The following PRKAR2A variants were observed in gnomAD, a reference collection of about 807,000 sequenced individuals.
The protein encoded by PRKAR2A is cAMP-dependent protein kinase type II-alpha regulatory subunit.
Under a neutral mutation model 51.9 loss-of-function variants are expected in PRKAR2A, and 29 were observed. The ratio of observed to expected loss-of-function variants is 0.56; its 90% CI spans 0.42 to 0.76. PRKAR2A has a LOEUF of 0.76. Ranked by LOEUF, PRKAR2A falls within the 30% of genes least tolerant of loss-of-function variation. The pLI is 0.00. For synonymous variants in PRKAR2A, 178 were observed against 186.2 expected (o/e 0.96, Z 0.36); for missense variants, 445 against 512.1 (o/e 0.87, Z 1.26).
Position 48,756,370 on chromosome 3 carries a change from TA to T in PRKAR2A, c.939+8del. ...GTGTACACCATCACATATAAACTGATAAACTCACCCTGCTTCTAATCAAGAT... is the reference window on the plus strand; with the variant it reads ...GTGTACACCATCACATATAAACTGATAACTCACCCTGCTTCTAATCAAGAT... On this transcript the variant is annotated splice_region_variant and intron_variant, in intron 9 of 10. Coordinates refer to ENST00000265563, the MANE Select transcript of PRKAR2A (RefSeq NM_004157.4). 6.2e-7 allele frequency: 1 copy of T among 1,610,476 alleles called. No individual in the cohort carries two copies. Among genetic ancestry groups the T allele is most frequent in the Non-Finnish European group, 8.5e-7 (1 of 1,176,874 alleles).
Position 48,769,025 on chromosome 3 carries a change from TGGAGGC to T in PRKAR2A, c.697-3682_697-3677del, listed in dbSNP as rs1449572089. Among the ~76,000 whole-genome samples the T allele has an allele frequency of 4.6e-5, 7 of 151,938 alleles. No homozygotes were observed. In the East Asian group the frequency reaches 1.2e-3, roughly 25 times the overall value. On this transcript the variant is annotated intron_variant, in intron 6 of 10. Coordinates refer to ENST00000265563, the MANE Select transcript of PRKAR2A (RefSeq NM_004157.4). Reference sequence around the variant, plus strand: ...TGAGGCAGGAGAATTGCTTGAATCCTGGAGGCGGAGGTTGCAGTGAGCCGAGATAAT... The same window carrying T: ...TGAGGCAGGAGAATTGCTTGAATCCTGGAGGTTGCAGTGAGCCGAGATAAT...
intron 2 of PRKAR2A, among the ~76,000 whole-genome samples, chr3:48,806,761 A>G (rs977143162): frequency 6.6e-6 from 1 of 152,088 alleles, no homozygotes; most frequent in Non-Finnish European, 1.5e-5. Flanking sequence ...TAGATTTCTC[A>G]TATTTGGAAA....
In PRKAR2A at chr3:48,803,331, G is replaced by T. The variant is rs140299561; in HGVS notation, c.298+4318C>A. On this transcript the variant is annotated intron_variant, in intron 2 of 10. Coordinates refer to ENST00000265563, the MANE Select transcript of PRKAR2A (RefSeq NM_004157.4). ...AGGTTGAGGCAGGAGGATCCCCTAA[G>T]CCCAAGATTTCAAGGCTGCAGTAAC... Among the ~76,000 whole-genome samples, 12 of 152,190 alleles carry T rather than the reference G, an allele frequency of 7.9e-5. No individual in the cohort carries two copies. The East Asian group carries it at 2.3e-3, about 29-fold the overall frequency.
intron 1 of PRKAR2A, among the ~76,000 whole-genome samples, chr3:48,842,270 T>C (rs2083393368): frequency 6.6e-6 from 1 of 152,238 alleles, no homozygotes; most frequent in Non-Finnish European, 1.5e-5. Flanking sequence ...TTTTGTATCC[T>C]GAGACTTTGC....
rs563571478 is a variant in PRKAR2A, at chr3:48,828,994, C to T, written c.262+18341G>A. 3.6e-4 allele frequency among the ~76,000 whole-genome samples: 54 copies of T among 151,804 alleles called. 1 individual carries two copies. The highest frequency in any genetic ancestry group is 8.0e-4 in the African/African-American group (33 of 41,478). On this transcript the variant is annotated intron_variant, in intron 1 of 10. Transcript: ENST00000265563. The stretch of plus-strand genomic sequence containing the variant: ...GACTACAAGCACATATCACCACACC[C>T]GGCTAATTTTTTATATTTTTTGGTA...
chr3:48,778,207 C>T (rs2082133913), intron 5 of PRKAR2A, among the ~76,000 whole-genome samples: 1 of 152,090 alleles, frequency 6.6e-6, no homozygotes, highest in African/African-American at 2.4e-5. Flanking sequence ...GTTGCCCAGG[C>T]TAGTCTCGGA....
At chr3:48,772,484 GGT>G (rs1385813695) in intron 6 of PRKAR2A, among the ~76,000 whole-genome samples, 2 of 152,136 alleles carry the variant, frequency 1.3e-5, no homozygotes, top group African/African-American at 4.8e-5. Flanking sequence ...TGGGATTACA[GGT>G]GTGAGTCACC....
chr3:48,799,871 G>GT (rs759973644), intron 2 of PRKAR2A, among the ~76,000 whole-genome samples: 1 of 152,166 alleles, frequency 6.6e-6, no homozygotes. Flanking sequence ...TATTTGTTTT[G>GT]TTTTTTGAGA....
intron 8 of PRKAR2A, among the ~76,000 whole-genome samples, chr3:48,761,625 T>A (rs549871610): frequency 9.2e-5 from 14 of 152,346 alleles, no homozygotes; most frequent in South Asian, 6.2e-4. Context: ...TTATTTATTT[T>A]TTTTGAGACC....
At chr3:48,772,423 T>C (rs926780732) in intron 6 of PRKAR2A, among the ~76,000 whole-genome samples, 1 of 152,092 alleles carries the variant, frequency 6.6e-6, no homozygotes, top group Non-Finnish European at 1.5e-5. Context: ...CTCAGGCTGG[T>C]CTCGAACTCC....
Position 48,748,692 on chromosome 3 carries a change from G to C in PRKAR2A, c.*2893C>G, listed in dbSNP as rs1244719654. 2 of 152,194 alleles carry C rather than the reference G, an allele frequency of 1.3e-5. No homozygotes were observed. Among genetic ancestry groups the C allele is most frequent in the East Asian group, 3.8e-4 (2 of 5,202 alleles). The allele number at this position is 152,194 out of a possible 1,614,324, so 9.4% of individuals were successfully genotyped here. A position where few individuals can be genotyped will look rare whatever the true frequency, so the allele number is the denominator to read the frequency against. On this transcript the variant is annotated 3_prime_UTR_variant, in exon 11 of 11. Coordinates refer to ENST00000265563, the MANE Select transcript of PRKAR2A (RefSeq NM_004157.4). ...AAAATCCTTACAAGTTCTGGGGCTG[G>C]ACCTCTGTGTCACTCCTGAATCCCA...
intron 1 of PRKAR2A, among the ~76,000 whole-genome samples, chr3:48,838,753 C>T (rs561234897): frequency 4.0e-5 from 6 of 151,846 alleles, no homozygotes; most frequent in Non-Finnish European, 2.9e-5. Flanking sequence ...CCGAGGCAGG[C>T]GGATCACGAG....
chr3:48,842,430 G>A lies in PRKAR2A; in HGVS notation c.262+4905C>T, dbSNP rs532931397. ...TTCCTTCTCCTGCCTAATTGCCCTGGCCACAACTTCCAACACTATGTTGAA... is the reference window on the plus strand; with the variant it reads ...TTCCTTCTCCTGCCTAATTGCCCTGACCACAACTTCCAACACTATGTTGAA... On this transcript the variant is annotated intron_variant, in intron 1 of 10. Coordinates refer to ENST00000265563, the MANE Select transcript of PRKAR2A (RefSeq NM_004157.4). 4.6e-5 allele frequency among the ~76,000 whole-genome samples: 7 copies of A among 152,232 alleles called. No homozygotes were observed. In the South Asian group the frequency reaches 8.3e-4, roughly 18 times the overall value.
intron 1 of PRKAR2A, among the ~76,000 whole-genome samples, chr3:48,823,968 T>TATG (rs1396451837): frequency 2.0e-5 from 3 of 152,138 alleles, no homozygotes. Flanking sequence ...GGCTCACGCC[T>TATG]GTAATCCCAG....
intron 5 of PRKAR2A, among the ~76,000 whole-genome samples, chr3:48,776,927 G>A (rs2082114731): frequency 6.6e-6 from 1 of 152,100 alleles, no homozygotes; most frequent in Non-Finnish European, 1.5e-5. Context: ...ATGATTTAAT[G>A]TAAAAAAAAT....
At chr3:48,779,712 G>A (rs183966198) in intron 5 of PRKAR2A, among the ~76,000 whole-genome samples, 478 of 150,834 alleles carry the variant, frequency 3.2e-3, no homozygotes, top group African/African-American at 9.9e-3. Flanking sequence ...CCCGGGAGGC[G>A]GAGGTTGTAG....
At chr3:48,800,047 A>C (rs1455941833) in intron 2 of PRKAR2A, among the ~76,000 whole-genome samples, 3 of 151,726 alleles carry the variant, frequency 2.0e-5, no homozygotes, top group Admixed American at 1.3e-4. Flanking sequence ...TTTAGTAGAG[A>C]TAGGGTTTCA....
intron 1 of PRKAR2A, among the ~76,000 whole-genome samples, chr3:48,823,872 AG>A (rs2083012782): frequency 6.6e-6 from 1 of 152,098 alleles, no homozygotes; most frequent in Admixed American, 6.6e-5. Context: ...AAAGGAAATC[AG>A]GAGGAAATTT....
intron 1 of PRKAR2A, among the ~76,000 whole-genome samples, chr3:48,846,294 C>T (rs1005035969): frequency 6.6e-6 from 1 of 151,136 alleles, no homozygotes; most frequent in African/African-American, 2.4e-5. Context: ...TGGCTCACTG[C>T]AACCTCCGCC....
Sources: allele counts gnomAD v4.1 joint callset (sites outside exome capture counted in the v4.1 genomes callset), GRCh38; gene constraint gnomAD v4.1.1; transcripts MANE v1.5; gene names NCBI Gene and HGNC (gene_info 2026-07-23, HGNC 2026-07-21).